Variants in DOCK2 observed in about 807,000 individuals in gnomAD.
DOCK2 encodes dedicator of cytokinesis 2.
DOCK2 carries 87 observed loss-of-function variants against 248.9 expected under a neutral mutation model. The ratio of observed to expected loss-of-function variants is 0.35; its 90% confidence interval spans 0.29 to 0.42. The LOEUF (loss-of-function observed/expected upper bound fraction) is 0.42, where lower values mean the gene tolerates loss of function less well. DOCK2 is among the 10% of genes least tolerant of loss of function. DOCK2 has a pLI of 1.00. For missense variants in DOCK2, 1,747 were observed against 2,300.2 expected (o/e 0.76, Z 4.92); for synonymous variants, 805 against 821.6 (o/e 0.98, Z 0.35).
chr5:169,799,946 A>T (rs1766867856), intron 25 of DOCK2, among the ~76,000 whole-genome samples: 1 of 152,096 alleles, frequency 6.6e-6, no homozygotes, highest in South Asian at 2.1e-4. Context: ...CTGGGACTAC[A>T]GGCATCCATC....
intron 14 of DOCK2, 44 bp downstream of exon 14, chr5:169,702,471 G>T: frequency 1.2e-6 from 2 of 1,607,660 alleles, no homozygotes; most frequent in Non-Finnish European, 1.7e-6. Flanking sequence ...TCCGCCTTGG[G>T]GGCCTCTGCT....
At chr5:169,937,967 C>T (rs1776069449) in intron 27 of DOCK2, among the ~76,000 whole-genome samples, 1 of 152,216 alleles carries the variant, frequency 6.6e-6, no homozygotes, top group African/African-American at 2.4e-5. Flanking sequence ...GTGGACATCA[C>T]CCCCAGGTAT....
chr5:170,058,955 G>A (rs908011152), intron 44 of DOCK2, among the ~76,000 whole-genome samples: 4 of 152,056 alleles, frequency 2.6e-5, no homozygotes, highest in Non-Finnish European at 5.9e-5. Context: ...TTTGAGTATG[G>A]GCTCAACTGT....
intron 27 of DOCK2, among the ~76,000 whole-genome samples, chr5:169,868,088 TA>T (rs1232871771): frequency 6.6e-6 from 1 of 152,184 alleles, no homozygotes; most frequent in African/African-American, 2.4e-5. Context: ...GTACCCCCTC[TA>T]AGATTTTAGG....
intron 27 of DOCK2, among the ~76,000 whole-genome samples, chr5:169,958,165 C>A (rs1349038695): frequency 2.6e-5 from 4 of 152,090 alleles, no homozygotes; most frequent in Non-Finnish European, 4.4e-5. Context: ...TGATTATCTA[C>A]CCTGTGGTGA....
chr5:169,805,454 T>G (rs1445814410), intron 26 of DOCK2, among the ~76,000 whole-genome samples: 7 of 152,134 alleles, frequency 4.6e-5, no homozygotes, highest in Admixed American at 4.6e-4. Flanking sequence ...TCCACAGTGT[T>G]TTTTACATTT....
At chr5:169,667,251 A>T (rs1245127142) in intron 2 of DOCK2, among the ~76,000 whole-genome samples, 1 of 152,042 alleles carries the variant, frequency 6.6e-6, no homozygotes, top group African/African-American at 2.4e-5. Context: ...CTCTATTTGC[A>T]CTCTAACCCC....
chr5:169,713,244 A>G (rs931889697), intron 17 of DOCK2, among the ~76,000 whole-genome samples: 11 of 152,150 alleles, frequency 7.2e-5, no homozygotes, highest in African/African-American at 2.4e-4. Context: ...GTTGCAGTCA[A>G]TTTTCTTTTA....
intron 27 of DOCK2, among the ~76,000 whole-genome samples, chr5:169,933,071 T>G (rs1199445925): frequency 2.0e-5 from 3 of 152,196 alleles, no homozygotes; most frequent in African/African-American, 7.2e-5. Flanking sequence ...TTTCCACCTA[T>G]CCTACAGTCG....
intron 25 of DOCK2, among the ~76,000 whole-genome samples, chr5:169,784,798 C>T (rs940664870): frequency 1.3e-5 from 2 of 152,146 alleles, no homozygotes; most frequent in Admixed American, 6.5e-5. Context: ...GTTGAGGTAG[C>T]AAAGTTTTCT....
chr5:169,713,080 T>C (rs1327681793), intron 17 of DOCK2, among the ~76,000 whole-genome samples: 1 of 152,250 alleles, frequency 6.6e-6, no homozygotes, highest in Non-Finnish European at 1.5e-5. Flanking sequence ...CATCTCATAG[T>C]ACTCTTGTAC....
chr5:169,817,377 A>C lies in DOCK2; in HGVS notation c.2703+14171A>C, dbSNP rs118162183. ...CCAACAGCTCACTAAACATTAGCTA[A>C]GCACCTATGATTTGTCAGGTACCAT... On this transcript the variant is annotated intron_variant, in intron 26 of 51. Transcript: ENST00000520908. Among the ~76,000 whole-genome samples, 157 of 152,350 alleles carry C rather than the reference A, an allele frequency of 1.0e-3. 1 individual carries two copies. The East Asian group carries it at 0.023, about 22-fold the overall frequency.
At chr5:169,637,422 C>T in intron 1 of DOCK2, 53 bp downstream of exon 1, 1 of 1,307,438 alleles carries the variant, frequency 7.6e-7, no homozygotes, top group Non-Finnish European at 9.7e-7. Context: ...GCGGGAGAGC[C>T]GCGAGCAGGA....
chr5:169,983,134 A>G lies in DOCK2; in HGVS notation c.2866A>G (p.Ile956Val). 6.2e-7 allele frequency: 1 copy of G among 1,614,030 alleles called. No individual in the cohort carries two copies. The highest frequency in any genetic ancestry group is 8.5e-7 in the Non-Finnish European group (1 of 1,179,902). ...QMGDQHYSFYIETFQTSSELV... is the reference protein window; with the variant it reads ...QMGDQHYSFYVETFQTSSELV... The stretch of plus-strand genomic sequence containing the variant: ...GGGTGACCAGCACTACTCCTTCTAC[A>G]TTGAGACCTTCCAGACCAGCTCTGA... The change falls in exon 28 of 52, where the codon ATT becomes GTT. Residue 956 changes from isoleucine to valine, a missense_variant. Coordinates refer to ENST00000520908, the MANE Select transcript of DOCK2 (RefSeq NM_004946.3).
chr5:170,017,129 T>G (rs920412750), intron 32 of DOCK2, among the ~76,000 whole-genome samples: 3 of 152,130 alleles, frequency 2.0e-5, no homozygotes, highest in Non-Finnish European at 4.4e-5. Flanking sequence ...ACATTAAGCC[T>G]CATTTAGGTT....
chr5:169,997,549 G>A (rs1309853576), intron 30 of DOCK2, among the ~76,000 whole-genome samples: 6 of 136,708 alleles, frequency 4.4e-5, no homozygotes, highest in Admixed American at 7.5e-5. Context: ...GCGGCCTTCC[G>A]CAGTTTTTGT....
chr5:169,650,076 G>A (rs554923528), intron 1 of DOCK2, among the ~76,000 whole-genome samples: 256 of 152,248 alleles, frequency 1.7e-3, no homozygotes, highest in Middle Eastern at 6.8e-3. Flanking sequence ...GGGATTACAG[G>A]CGTGAGCCGC....
At chr5:169,770,107 A>C (rs1765003016) in intron 25 of DOCK2, among the ~76,000 whole-genome samples, 1 of 152,104 alleles carries the variant, frequency 6.6e-6, no homozygotes, top group South Asian at 2.1e-4. Context: ...AATTCAAAAT[A>C]CATCTTATTA....
chr5:170,034,281 A>G, intron 34 of DOCK2, 118 bp from the exon 35 acceptor site: 1 of 1,250,906 alleles, frequency 8.0e-7, no homozygotes, highest in Non-Finnish European at 1.1e-6. Flanking sequence ...CAAAAGGAGC[A>G]GTCAGGGAAC....
Sources: allele counts gnomAD v4.1 joint callset (sites outside exome capture counted in the v4.1 genomes callset), GRCh38; gene constraint gnomAD v4.1.1; transcripts MANE v1.5; gene names NCBI Gene and HGNC (gene_info 2026-07-23, HGNC 2026-07-21).